The following TFDP2 variants were observed in gnomAD, a reference collection of about 807,000 sequenced individuals.
TFDP2 encodes the protein transcription factor Dp-2.
In TFDP2, 17 loss-of-function variants were observed where a neutral mutation model predicts 59.3. The ratio of observed to expected loss-of-function variants is 0.29; its 90% CI spans 0.20 to 0.43. The LOEUF (loss-of-function observed/expected upper bound fraction) is 0.43, where lower values mean the gene tolerates loss of function less well. TFDP2 is among the 20% of genes least tolerant of loss of function. TFDP2 has a pLI of 1.00. For missense variants in TFDP2, 391 were observed against 528.8 expected, an observed-to-expected ratio of 0.74 and a Z score of 2.56; for synonymous variants, 180 against 194.7, an observed-to-expected ratio of 0.92 and a Z score of 0.63.
At chr3:142,006,461 C>A (rs1373801571) in intron 3 of TFDP2, among the ~76,000 whole-genome samples, 1 of 146,640 alleles carries the variant, frequency 6.8e-6, no homozygotes, top group Non-Finnish European at 1.5e-5. Context: ...CTCTTTAATT[C>A]CCTTACTATT....
intron 3 of TFDP2, among the ~76,000 whole-genome samples, chr3:142,045,300 C>T (rs1947276508): frequency 6.6e-6 from 1 of 151,924 alleles, no homozygotes; most frequent in Admixed American, 6.6e-5. Context: ...GCTGGGACTA[C>T]AGGTGCCCAC....
Position 142,149,412 on chromosome 3 carries a change from G to A in TFDP2, c.-322C>T. The A allele has an allele frequency of 2.6e-6, 1 of 384,100 alleles. No individual in the cohort carries two copies. Among genetic ancestry groups the A allele is most frequent in the Non-Finnish European group, 4.6e-6 (1 of 217,146 alleles). 23.8% of individuals were successfully genotyped at this position (384,100 alleles called of 1,614,324 possible). ...GCCTGCCCAAAGATGAAGGGTCAGG[G>A]CGCGCCCCGCGGGCCGGGCAGCTGC... On this transcript the variant is annotated 5_prime_UTR_variant, in exon 1 of 13. Coordinates refer to ENST00000489671, the MANE Select transcript of TFDP2 (RefSeq NM_001178139.2).
At chr3:142,075,756 AAAAT>A in intron 3 of TFDP2, among the ~76,000 whole-genome samples, 2 of 150,750 alleles carry the variant, frequency 1.3e-5, no homozygotes, top group South Asian at 4.2e-4. Flanking sequence ...AAAAAAAAAA[AAAAT>A]AGCCAGTGTG....
At chr3:141,969,011 GA>G (rs1485932557) in intron 9 of TFDP2, among the ~76,000 whole-genome samples, 1 of 70,804 alleles carries the variant, frequency 1.4e-5, no homozygotes, top group East Asian at 3.1e-4. Context: ...CATATATATA[GA>G]TATATATATA....
At chr3:142,112,722 T>A (rs905099598) in intron 1 of TFDP2, among the ~76,000 whole-genome samples, 2 of 152,194 alleles carry the variant, frequency 1.3e-5, no homozygotes, top group Admixed American at 6.5e-5. Context: ...GGTCTTGCTA[T>A]ATTGCCCAAG....
chr3:142,090,469 C>T (rs2060962319), intron 3 of TFDP2, among the ~76,000 whole-genome samples: 1 of 152,076 alleles, frequency 6.6e-6, no homozygotes, highest in Admixed American at 6.6e-5. Context: ...CTTCAGATGC[C>T]TATTCTACCA....
intron 10 of TFDP2, among the ~76,000 whole-genome samples, chr3:141,963,366 A>C (rs993224100): frequency 1.6e-4 from 25 of 152,244 alleles, no homozygotes; most frequent in Non-Finnish European, 3.2e-4. Context: ...AAACAGAAGC[A>C]TGCATAACTA....
chr3:141,983,623 G>GAA (rs35735051), intron 6 of TFDP2, among the ~76,000 whole-genome samples: 6 of 73,032 alleles, frequency 8.2e-5, no homozygotes, highest in African/African-American at 5.7e-5. Flanking sequence ...AATGTCTCAA[G>GAA]AAAAAAAAAA....
intron 3 of TFDP2, among the ~76,000 whole-genome samples, chr3:142,047,903 A>G (rs558905824): frequency 1.2e-4 from 18 of 151,946 alleles, no homozygotes; most frequent in Admixed American, 1.2e-3. Context: ...CACCACACCC[A>G]GCTAATTTTT....
intron 6 of TFDP2, among the ~76,000 whole-genome samples, chr3:141,990,029 G>T (rs1261243907): frequency 6.6e-6 from 1 of 151,894 alleles, no homozygotes; most frequent in Non-Finnish European, 1.5e-5. Flanking sequence ...GAATAGCTGG[G>T]ATTACAGGCA....
rs562929545 is a variant in TFDP2, at chr3:142,149,251, G to C, written c.-161C>G. 5.0e-6 allele frequency: 2 copies of C among 397,310 alleles called. No individual in the cohort carries two copies. Among genetic ancestry groups the C allele is most frequent in the Non-Finnish European group, 8.9e-6 (2 of 225,136 alleles). 24.6% of individuals were successfully genotyped at this position (397,310 alleles called of 1,614,324 possible). On this transcript the variant is annotated 5_prime_UTR_variant, in exon 1 of 13. Coordinates refer to ENST00000489671, the MANE Select transcript of TFDP2 (RefSeq NM_001178139.2). Reference sequence around the variant, plus strand: ...GGCCGAGCCAGGAGCGCGTCTTCGGGCGCCGCCGCTTCTGTGGCGCCCGCG... The same window carrying C: ...GGCCGAGCCAGGAGCGCGTCTTCGGCCGCCGCCGCTTCTGTGGCGCCCGCG...
intron 1 of TFDP2, among the ~76,000 whole-genome samples, chr3:142,108,327 A>G (rs935919600): frequency 5.9e-5 from 9 of 151,806 alleles, no homozygotes; most frequent in African/African-American, 2.2e-4. Context: ...CTTCTGCCTC[A>G]GCCTCCCAAG....
chr3:142,134,279 G>T (rs1161335370), intron 1 of TFDP2, among the ~76,000 whole-genome samples: 1 of 151,294 alleles, frequency 6.6e-6, no homozygotes, highest in Non-Finnish European at 1.5e-5. Flanking sequence ...AACCCGAGAG[G>T]CAGAGGTTGC....
At chr3:141,995,912 A>G (rs1011585959) in intron 4 of TFDP2, among the ~76,000 whole-genome samples, 2 of 148,922 alleles carry the variant, frequency 1.3e-5, no homozygotes, top group African/African-American at 4.9e-5. Flanking sequence ...AAAAAAGAGT[A>G]TTCATGTTAT....
intron 3 of TFDP2, among the ~76,000 whole-genome samples, chr3:142,045,620 T>C (rs1215579841): frequency 6.6e-6 from 1 of 151,232 alleles, no homozygotes; most frequent in African/African-American, 2.4e-5. Flanking sequence ...GACTTTTTTT[T>C]TTTTTTTTTT....
chr3:141,977,062 T>A (rs886649380), intron 7 of TFDP2, among the ~76,000 whole-genome samples: 3 of 142,442 alleles, frequency 2.1e-5, no homozygotes, highest in Non-Finnish European at 4.5e-5. Flanking sequence ...TAGGGCTAAA[T>A]CAGTGCTCTA....
intron 1 of TFDP2, among the ~76,000 whole-genome samples, chr3:142,106,775 G>A (rs189258740): frequency 2.0e-5 from 3 of 152,220 alleles, no homozygotes; most frequent in East Asian, 3.9e-4. Context: ...CCATGATCTC[G>A]TCAGTTTCAG....
intron 3 of TFDP2, among the ~76,000 whole-genome samples, chr3:142,045,319 C>T (rs1025941819): frequency 6.6e-6 from 1 of 151,900 alleles, no homozygotes; most frequent in Non-Finnish European, 1.5e-5. Context: ...ACCACAACAC[C>T]GGGCTAATTT....
intron 3 of TFDP2, chr3:142,044,081 G>A (rs2108461237): frequency 1.5e-6 from 1 of 649,258 alleles, no homozygotes. Context: ...TTCCGCATCT[G>A]CTGACGGGAG....
Sources: gnomAD v4.1 joint callset for allele counts (sites outside exome capture counted in the v4.1 genomes callset) on GRCh38, gnomAD v4.1.1 for gene constraint, MANE v1.5 for transcripts, NCBI Gene and HGNC (gene_info 2026-07-23, HGNC 2026-07-21) for gene names.